The following ARHGEF12 variants were observed in gnomAD, a reference collection of about 807,000 sequenced individuals.
The protein encoded by ARHGEF12 is Rho guanine nucleotide exchange factor 12.
Under a neutral mutation model 211.2 loss-of-function variants are expected in ARHGEF12, and 66 were observed. That is an observed-to-expected ratio of 0.31 (90% CI 0.26 to 0.38). The LOEUF is 0.38. Among genes scored for constraint, ARHGEF12 ranks in the 10% least tolerant of loss-of-function variants. The pLI is 1.00. For missense variants in ARHGEF12, 1,429 were observed against 1,869.5 expected (o/e 0.76, Z 4.34); for synonymous variants, 592 against 638.4 (o/e 0.93, Z 1.09).
chr11:120,390,365 G>C (rs1350886015), intron 1 of ARHGEF12, among the ~76,000 whole-genome samples: 1 of 152,190 alleles, frequency 6.6e-6, no homozygotes, highest in African/African-American at 2.4e-5. Context: ...TAATGGAATA[G>C]ATTTGCTTTT....
At chr11:120,398,711 T>C (rs1179008389) in intron 1 of ARHGEF12, among the ~76,000 whole-genome samples, 1 of 152,204 alleles carries the variant, frequency 6.6e-6, no homozygotes, top group Non-Finnish European at 1.5e-5. Flanking sequence ...CAGCATTTGT[T>C]ATAACTATAG....
Position 120,409,414 on chromosome 11 carries a change from A to C in ARHGEF12, c.163A>C (p.Lys55Gln), listed in dbSNP as rs1280167636. Residue 55 changes from lysine to glutamine, a missense_variant, in exon 4 of 41, where the codon AAG becomes CAG. Coordinates refer to ENST00000397843, the MANE Select transcript of ARHGEF12 (RefSeq NM_015313.3). ...TGCAGATAGCTCCTCCAAGAAGACA[A>C]AGTCTAGTTCAGAGGAGAGTAGATC... ...DPTDSSSKKT[K>Q]SSSEESRSEI... 1 of 1,613,702 alleles carries C rather than the reference A, an allele frequency of 6.2e-7. No homozygotes were observed. The highest frequency in any genetic ancestry group is 1.3e-5 in the African/African-American group (1 of 74,890).
intron 1 of ARHGEF12, among the ~76,000 whole-genome samples, chr11:120,340,765 A>G (rs1184756326): frequency 1.3e-5 from 2 of 152,226 alleles, no homozygotes; most frequent in Non-Finnish European, 2.9e-5. Flanking sequence ...TTAGTTTTGT[A>G]TTCAGTTTTA....
intron 1 of ARHGEF12, among the ~76,000 whole-genome samples, chr11:120,376,812 C>T (rs1477731654): frequency 6.6e-6 from 1 of 152,070 alleles, no homozygotes; most frequent in African/African-American, 2.4e-5. Flanking sequence ...CCCTTCCCAG[C>T]CTCTGGTAAA....
At chr11:120,393,349 G>A (rs1944279188) in intron 1 of ARHGEF12, among the ~76,000 whole-genome samples, 1 of 152,128 alleles carries the variant, frequency 6.6e-6, no homozygotes, top group Non-Finnish European at 1.5e-5. Context: ...TCACACTAAA[G>A]GTAAATGGTC....
chr11:120,447,194 C>G, intron 18 of ARHGEF12, 109 bp downstream of exon 18: 1 of 1,250,604 alleles, frequency 8.0e-7, no homozygotes, highest in Non-Finnish European at 1.1e-6. Context: ...GTATGTGGAG[C>G]CGTTTATTTT....
rs34950022 is a variant in ARHGEF12, at chr11:120,417,505, AT to A, written c.200-3228del. Among the ~76,000 whole-genome samples the A allele has an allele frequency of 3.9e-3, 507 of 130,950 alleles. 1 individual carries two copies. The highest frequency in any genetic ancestry group is 0.01 in the African/African-American group (351 of 34,384). 85.9% of individuals were successfully genotyped at this position (130,950 alleles called of 152,430 possible). A position where few individuals can be genotyped will look rare whatever the true frequency, so the allele number is the denominator to read the frequency against. On this transcript the variant is annotated intron_variant, in intron 4 of 40. Coordinates refer to ENST00000397843, the MANE Select transcript of ARHGEF12 (RefSeq NM_015313.3). ...CTGTAAAATGCTGCTTAGTCTAATAATTTTTTTTTTTTTTTTTTTTGAGATG... is the reference window on the plus strand; with the variant it reads ...CTGTAAAATGCTGCTTAGTCTAATAATTTTTTTTTTTTTTTTTTTGAGATG...
At chr11:120,462,919 G>A (rs954716374) in intron 27 of ARHGEF12, 5 of 152,108 alleles carry the variant, frequency 3.3e-5, no homozygotes, top group Admixed American at 1.3e-4. Context: ...AATCTTTTCC[G>A]GAGCTTGGCA....
At chr11:120,364,219 A>G (rs926118859) in intron 1 of ARHGEF12, among the ~76,000 whole-genome samples, 1 of 152,214 alleles carries the variant, frequency 6.6e-6, no homozygotes, top group Non-Finnish European at 1.5e-5. Flanking sequence ...CTTGGGCACC[A>G]AACAAAAAAA....
intron 33 of ARHGEF12, 184 bp from the exon 34 acceptor site, chr11:120,476,477 A>C (rs990509326): frequency 1.1e-5 from 5 of 438,226 alleles, no homozygotes; most frequent in Non-Finnish European, 2.0e-5. Flanking sequence ...CAATAAATAT[A>C]GTACAATAAA....
At chr11:120,417,389 C>T (rs764170210) in intron 4 of ARHGEF12, among the ~76,000 whole-genome samples, 2 of 151,932 alleles carry the variant, frequency 1.3e-5, no homozygotes, top group African/African-American at 4.8e-5. Context: ...TCTAAAGTCA[C>T]AGTATCTAAT....
At chr11:120,441,574 T>C (rs1226615045) in intron 13 of ARHGEF12, 133 bp from the exon 14 acceptor site, 4 of 624,734 alleles carry the variant, frequency 6.4e-6, no homozygotes, top group Non-Finnish European at 8.1e-6. Context: ...TAAATTTTAG[T>C]GAAGTTTTTT....
intron 1 of ARHGEF12, 35 bp downstream of exon 1, chr11:120,337,310 G>A (rs760705048): frequency 1.9e-6 from 3 of 1,613,492 alleles, no homozygotes; most frequent in East Asian, 2.2e-5. Context: ...CGGCCTCCCG[G>A]AATCGGGCCC....
chr11:120,395,345 T>C (rs1944349643), intron 1 of ARHGEF12, among the ~76,000 whole-genome samples: 1 of 152,130 alleles, frequency 6.6e-6, no homozygotes, highest in African/African-American at 2.4e-5. Context: ...TGGTAAATGG[T>C]GGTAACTATG....
At chr11:120,455,676 A>T (rs1388140964) in intron 22 of ARHGEF12, among the ~76,000 whole-genome samples, 1 of 152,224 alleles carries the variant, frequency 6.6e-6, no homozygotes, top group Non-Finnish European at 1.5e-5. Flanking sequence ...GGCAAAGGGC[A>T]ATTCTAAAAT....
At chr11:120,434,538 G>A (rs532574460) in intron 11 of ARHGEF12, among the ~76,000 whole-genome samples, 1 of 152,142 alleles carries the variant, frequency 6.6e-6, no homozygotes, top group Non-Finnish European at 1.5e-5. Flanking sequence ...GTCTGCTTTT[G>A]TTGTTGTTTT....
At chr11:120,453,911 A>C (rs1285879805) in intron 22 of ARHGEF12, among the ~76,000 whole-genome samples, 3 of 152,260 alleles carry the variant, frequency 2.0e-5, no homozygotes, top group Non-Finnish European at 1.5e-5. Context: ...TTGCAGGTCT[A>C]TAATCAAAAT....
At chr11:120,337,439 G>T in intron 1 of ARHGEF12, 164 bp downstream of exon 1, 1 of 985,250 alleles carries the variant, frequency 1.0e-6, no homozygotes, top group Non-Finnish European at 1.2e-6. Flanking sequence ...GAGTTATCCA[G>T]TTGATTGGCT....
At chr11:120,351,507 A>G (rs1183076420) in intron 1 of ARHGEF12, among the ~76,000 whole-genome samples, 1 of 116,654 alleles carries the variant, frequency 8.6e-6, no homozygotes, top group Non-Finnish European at 1.7e-5. Flanking sequence ...TCTGTTGCCC[A>G]GGCTGGAGGC....
Sources: gnomAD v4.1 joint callset for allele counts (sites outside exome capture counted in the v4.1 genomes callset) on GRCh38, gnomAD v4.1.1 for gene constraint, MANE v1.5 for transcripts, NCBI Gene and HGNC (gene_info 2026-07-23, HGNC 2026-07-21) for gene names.